Variants in SLC8A3 observed in about 807,000 individuals in gnomAD.
SLC8A3 encodes solute carrier family 8 member A3.
A neutral mutation model predicts 65.4 loss-of-function variants in SLC8A3; 37 were observed. That is an observed-to-expected ratio of 0.57 (90% confidence interval 0.44 to 0.74). The LOEUF (loss-of-function observed/expected upper bound fraction) is 0.74, where lower values mean the gene tolerates loss of function less well. Among genes scored for constraint, SLC8A3 ranks in the 30% least tolerant of loss-of-function variants. SLC8A3 has a pLI of 0.00. For synonymous variants in SLC8A3, 461 were observed against 444.5 expected (o/e 1.04, Z -0.47); for missense variants, 1,112 against 1,172.1 (o/e 0.95, Z 0.75).
At chr14:70,160,511 C>G (rs756286531) in intron 2 of SLC8A3, among the ~76,000 whole-genome samples, 2 of 152,126 alleles carry the variant, frequency 1.3e-5, no homozygotes, top group Non-Finnish European at 2.9e-5. Context: ...ATACCAGGTA[C>G]TTGAGCATCT....
chr14:70,133,087 T>C (rs1454836426), intron 2 of SLC8A3, among the ~76,000 whole-genome samples: 1 of 136,648 alleles, frequency 7.3e-6, no homozygotes, highest in Admixed American at 8.6e-5. Flanking sequence ...ACCAAACAGA[T>C]GTTTTTAAAG....
At chr14:70,097,286 T>TA (rs5809459) in intron 2 of SLC8A3, among the ~76,000 whole-genome samples, 10,308 of 145,764 alleles carry the variant, frequency 0.071, 405 homozygotes, top group African/African-American at 0.11. Context: ...CATTTTCCTT[T>TA]AAAAAAAAAA....
chr14:70,079,737 T>C (rs1890878258), intron 2 of SLC8A3, among the ~76,000 whole-genome samples: 1 of 152,148 alleles, frequency 6.6e-6, no homozygotes, highest in Non-Finnish European at 1.5e-5. Flanking sequence ...GCTGCTTAGA[T>C]AGAAGCCTTA....
chr14:70,051,542 C>G (rs1385082755), intron 4 of SLC8A3, among the ~76,000 whole-genome samples: 1 of 152,104 alleles, frequency 6.6e-6, no homozygotes, highest in African/African-American at 2.4e-5. Flanking sequence ...TATAAGTGAC[C>G]CTCCCATCTC....
intron 2 of SLC8A3, among the ~76,000 whole-genome samples, chr14:70,133,638 T>C (rs1054018805): frequency 6.6e-5 from 10 of 152,228 alleles, no homozygotes; most frequent in East Asian, 5.8e-4. Flanking sequence ...TGATGGTTTT[T>C]CACCCCAAAT....
At chr14:70,075,952 C>T (rs1890476045) in intron 2 of SLC8A3, among the ~76,000 whole-genome samples, 1 of 152,170 alleles carries the variant, frequency 6.6e-6, no homozygotes, top group Non-Finnish European at 1.5e-5. Flanking sequence ...ATTTGCATTC[C>T]TAACAAGTTC....
intron 2 of SLC8A3, among the ~76,000 whole-genome samples, chr14:70,159,236 C>G (rs141546024): frequency 6.6e-6 from 1 of 152,016 alleles, no homozygotes; most frequent in Non-Finnish European, 1.5e-5. Flanking sequence ...TGGCAAAACC[C>G]CGTCTCTACT....
At chr14:70,146,311 G>T (rs1453050153) in intron 2 of SLC8A3, among the ~76,000 whole-genome samples, 2 of 152,140 alleles carry the variant, frequency 1.3e-5, no homozygotes, top group African/African-American at 4.8e-5. Context: ...TGAGGCTAAT[G>T]GGGGGCTGAG....
At chr14:70,065,804 A>G (rs1159815484) in intron 2 of SLC8A3, among the ~76,000 whole-genome samples, 1 of 152,244 alleles carries the variant, frequency 6.6e-6, no homozygotes, top group Admixed American at 6.5e-5. Context: ...GGGAAACTCA[A>G]TAAGTACAGG....
chr14:70,112,027 T>A (rs1010950578), intron 2 of SLC8A3, among the ~76,000 whole-genome samples: 1 of 152,186 alleles, frequency 6.6e-6, no homozygotes, highest in African/African-American at 2.4e-5. Context: ...TGCAGAGGAA[T>A]TTCTCTTTTT....
chr14:70,052,359 C>T (rs1887609090), intron 3 of SLC8A3, among the ~76,000 whole-genome samples: 1 of 152,164 alleles, frequency 6.6e-6, no homozygotes, highest in Admixed American at 6.5e-5. Context: ...GACAACCTGA[C>T]CTAAACATCT....
In SLC8A3 at chr14:70,167,758, G is replaced by T; in HGVS notation, c.665C>A (p.Ala222Glu). The T allele has an allele frequency of 6.2e-7, 1 of 1,614,188 alleles. No homozygotes were observed. Among genetic ancestry groups the T allele is most frequent in the Non-Finnish European group, 8.5e-7 (1 of 1,180,024 alleles). Residue 222 changes from alanine (A) to glutamate (E), a missense_variant, in exon 2 of 7, where the codon GCA becomes GAA. Ala to Glu is a moderately radical substitution (Grantham distance 107). Coordinates refer to ENST00000356921, the MANE Select transcript of SLC8A3 (RefSeq NM_182932.3). ...CTGGACCACACCAGGGGAGAAGACT[G>T]CCAGAATCATATAGAGCCAGATGTA... ...FAYIWLYMIL[A>E]VFSPGVVQVW...
intron 2 of SLC8A3, among the ~76,000 whole-genome samples, chr14:70,115,814 G>T (rs6573929): frequency 0.84 from 128,076 of 152,104 alleles, 55,259 homozygotes; most frequent in East Asian, 0.93. Context: ...AGGCCTCAGA[G>T]CTGCAAAATG....
intron 2 of SLC8A3, among the ~76,000 whole-genome samples, chr14:70,099,792 G>C (rs1011039869): frequency 1.3e-5 from 2 of 152,222 alleles, no homozygotes; most frequent in East Asian, 3.8e-4. Context: ...AGGCTACAAT[G>C]CTTCCCATGG....
At chr14:70,086,718 T>C (rs1395053389) in intron 2 of SLC8A3, among the ~76,000 whole-genome samples, 21 of 151,994 alleles carry the variant, frequency 1.4e-4, no homozygotes, top group Non-Finnish European at 2.9e-4. Flanking sequence ...TCTAAGACAA[T>C]GTTGTAGCAC....
chr14:70,104,587 G>T (rs1396685057), intron 2 of SLC8A3, among the ~76,000 whole-genome samples: 2 of 152,030 alleles, frequency 1.3e-5, no homozygotes, highest in African/African-American at 4.8e-5. Flanking sequence ...TCAAAAGGCT[G>T]AAACTTTATA....
At chr14:70,187,650 C>CGT (rs1280044600) in intron 1 of SLC8A3, among the ~76,000 whole-genome samples, 26 of 143,786 alleles carry the variant, frequency 1.8e-4, no homozygotes, top group Admixed American at 3.4e-4. Flanking sequence ...TCCGCGCGCG[C>CGT]GTGTGTGTTG....
At chr14:70,127,188 T>G (rs1595032224) in intron 2 of SLC8A3, among the ~76,000 whole-genome samples, 1 of 149,270 alleles carries the variant, frequency 6.7e-6, no homozygotes, top group Admixed American at 6.7e-5. Context: ...GGGGTAGGGG[T>G]GGGAGAAAGT....
At chr14:70,153,480 G>A (rs544576291) in intron 2 of SLC8A3, among the ~76,000 whole-genome samples, 27 of 152,202 alleles carry the variant, frequency 1.8e-4, no homozygotes, top group African/African-American at 5.5e-4. Context: ...TTCTAATGAC[G>A]CCAAACTGAA....
Sources: allele counts gnomAD v4.1 joint callset (sites outside exome capture counted in the v4.1 genomes callset), GRCh38; gene constraint gnomAD v4.1.1; transcripts MANE v1.5; gene names NCBI Gene and HGNC (gene_info 2026-07-23, HGNC 2026-07-21).